Variants in MTUS1 observed in about 807,000 individuals in gnomAD.
MTUS1 encodes the protein microtubule-associated tumor suppressor 1.
Under a neutral mutation model 120.8 loss-of-function variants are expected in MTUS1, and 109 were observed. That is an observed-to-expected ratio of 0.90 (90% confidence interval 0.77 to 1.06). The LOEUF is 1.06. MTUS1 is among the 50% of genes least tolerant of loss of function. The pLI is 0.00. For missense variants in MTUS1, 2,210 were observed against 1,486.3 expected, an observed-to-expected ratio of 1.49 and a Z score of -8.01; for synonymous variants, 737 against 550.5, an observed-to-expected ratio of 1.34 and a Z score of -4.74.
chr8:17,714,827 A>C (rs116691000), intron 5 of MTUS1, among the ~76,000 whole-genome samples: 189 of 151,290 alleles, frequency 1.2e-3, no homozygotes, highest in African/African-American at 4.5e-3. Context: ...TTTATAGGTC[A>C]AGTTTCTCAC....
intron 4 of MTUS1, among the ~76,000 whole-genome samples, chr8:17,717,415 G>C (rs939245219): frequency 1.3e-5 from 2 of 152,156 alleles, no homozygotes; most frequent in Admixed American, 6.5e-5. Flanking sequence ...GTTTCAATTA[G>C]CATTTTAGCT....
At position 17,645,954 on chromosome 8, in the gene MTUS1, A is replaced by G; in HGVS notation, c.3785T>C (p.Phe1262Ser). Residue 1262 changes from phenylalanine to serine, a missense_variant, in exon 15 of 15, where the codon TTC becomes TCC. Physicochemically the swap from Phe to Ser is radical, Grantham distance 155 (BLOSUM62 -2). Coordinates refer to ENST00000693296, the MANE Select transcript of MTUS1 (RefSeq NM_001363059.2). ...TCTGGGTGAAATGCTGGGGCTAGGG[A>G]AGGAGCCCGAATTCCTTGGTGACTG... is the stretch of plus-strand genomic sequence containing the variant. ...PLQSPRNSGS[F>S]PSPSISPR The G allele has an allele frequency of 6.2e-7, 1 of 1,612,426 alleles. No individual in the cohort carries two copies.
intron 3 of MTUS1, among the ~76,000 whole-genome samples, chr8:17,726,072 G>A (rs924774547): frequency 1.3e-5 from 2 of 151,786 alleles, no homozygotes; most frequent in Admixed American, 6.6e-5. Context: ...TTCTGCTTAC[G>A]CCCATCCTTC....
intron 4 of MTUS1, among the ~76,000 whole-genome samples, chr8:17,720,878 G>A (rs1246721294): frequency 6.6e-6 from 1 of 152,104 alleles, no homozygotes; most frequent in Non-Finnish European, 1.5e-5. Flanking sequence ...AAAGGATCAA[G>A]ATCGTAACTT....
rs547941228 is a variant in MTUS1 at position 17,687,514 on chromosome 8, A to G, written c.2624-2972T>C. Among the ~76,000 whole-genome samples, 26 of 152,360 alleles carry G rather than the reference A, an allele frequency of 1.7e-4. 1 individual carries two copies. The highest frequency in any genetic ancestry group is 1.2e-3 in the Admixed American group (19 of 15,310). Reference sequence around the variant, plus strand: ...ATTAGCATGTTACTGTTTTGATAACAAAGGTTTTATACAGAAGTATAAATT... The same window carrying G: ...ATTAGCATGTTACTGTTTTGATAACGAAGGTTTTATACAGAAGTATAAATT... On this transcript the variant is annotated intron_variant, in intron 6 of 14. Transcript: ENST00000693296.
chr8:17,748,429 C>T (rs1452613420), intron 2 of MTUS1, among the ~76,000 whole-genome samples: 1 of 152,156 alleles, frequency 6.6e-6, no homozygotes. Context: ...GCTTGGGACC[C>T]ACCAACTTTG....
At chr8:17,672,000 A>G (rs907022098) in intron 8 of MTUS1, among the ~76,000 whole-genome samples, 2 of 152,196 alleles carry the variant, frequency 1.3e-5, no homozygotes, top group African/African-American at 4.8e-5. Context: ...CCATACTCAA[A>G]GAAGTTAGGT....
chr8:17,703,942 C>G (rs1055848475), intron 6 of MTUS1: 1 of 152,212 alleles, frequency 6.6e-6, no homozygotes, highest in African/African-American at 2.4e-5. Flanking sequence ...CACCCTCTCC[C>G]CTTTTCAAAT....
intron 6 of MTUS1, among the ~76,000 whole-genome samples, chr8:17,701,513 T>C (rs1471612343): frequency 6.6e-6 from 1 of 152,182 alleles, no homozygotes; most frequent in Non-Finnish European, 1.5e-5. Context: ...TCATGTACAA[T>C]GTTTGTTTTT....
At position 17,653,215 on chromosome 8, in the gene MTUS1, T is replaced by A. The variant is rs1807416877; in HGVS notation, c.3355A>T (p.Lys1119Ter). The change falls in exon 12 of 15, where the codon AAA (lysine) becomes TAA (stop). Residue 1119 changes from lysine (K) to a stop codon, truncating the protein, a stop_gained. Transcript: ENST00000693296. LOFTEE classifies it high-confidence loss of function. ...TTTGCTTTTTCTCTTGCTCTTCTTT[T>A]TTGTTCTTCTGATTTCAATTTTTCA... is the stretch of plus-strand genomic sequence containing the variant. ...LNEKLKSEEQ[K>*]RRAREKANLK... 6.4e-7 allele frequency: 1 copy of A among 1,554,536 alleles called. No individual in the cohort carries two copies. Among genetic ancestry groups the A allele is most frequent in the African/African-American group, 1.4e-5 (1 of 72,516 alleles).
rs1051608249 is a variant in MTUS1 at position 17,713,323 on chromosome 8, G to C, written c.2585-71C>G. On this transcript the variant is annotated intron_variant, in intron 5 of 14. Coordinates refer to ENST00000693296, the MANE Select transcript of MTUS1 (RefSeq NM_001363059.2). ...ATATCACATAAAAACAAACCATGTT[G>C]ATAAGAATTATTTTCAAAAACAATC... The C allele has an allele frequency of 4.3e-6, 4 of 926,482 alleles. No individual in the cohort carries two copies. In the East Asian group the frequency reaches 7.7e-5, roughly 18 times the overall value. 57.4% of individuals were successfully genotyped at this position (926,482 alleles called of 1,614,324 possible). A position where few individuals can be genotyped will look rare whatever the true frequency, so the allele number is the denominator to read the frequency against.
rs891470303 is a variant in MTUS1, at chr8:17,727,045, G to C, written c.2288-3212C>G. On this transcript the variant is annotated intron_variant, in intron 3 of 14. Coordinates refer to ENST00000693296, the MANE Select transcript of MTUS1 (RefSeq NM_001363059.2). ...GCTGCACTAGAGGAAAGCTTACCCC[G>C]GCAACCAAATATCATTTCCCTGACC... Among the ~76,000 whole-genome samples, 24 of 151,998 alleles carry C rather than the reference G, an allele frequency of 1.6e-4. 1 individual carries two copies. Among genetic ancestry groups the C allele is most frequent in the Admixed American group, 1.6e-3 (24 of 15,250 alleles).
chr8:17,749,659 C>CAAAAAA (rs768210060), intron 2 of MTUS1, among the ~76,000 whole-genome samples: 3 of 76,414 alleles, frequency 3.9e-5, no homozygotes, highest in Non-Finnish European at 8.0e-5. Flanking sequence ...GAATCTGTCT[C>CAAAAAA]AAAAAAAAAA....
Position 17,644,781 on chromosome 8 carries a change from T to C in MTUS1, c.*1145A>G, listed in dbSNP as rs763131437. ...CTAAGATTTCCCAAAATTTGTAATA[T>C]CAAATCCAGGCTTTAGTTTATTTGG... On this transcript the variant is annotated 3_prime_UTR_variant, in exon 15 of 15. Coordinates refer to ENST00000693296, the MANE Select transcript of MTUS1 (RefSeq NM_001363059.2). 2.0e-5 allele frequency: 3 copies of C among 152,190 alleles called. No homozygotes were observed. Among genetic ancestry groups the C allele is most frequent in the Admixed American group, 1.3e-4 (2 of 15,278 alleles). 9.4% of individuals were successfully genotyped at this position (152,190 alleles called of 1,614,324 possible).
intron 1 of MTUS1, among the ~76,000 whole-genome samples, chr8:17,758,790 T>G (rs2048819004): frequency 6.6e-6 from 1 of 152,206 alleles, no homozygotes; most frequent in African/African-American, 2.4e-5. Flanking sequence ...TTAATGGCAT[T>G]TTTATTACTC....
intron 13 of MTUS1, among the ~76,000 whole-genome samples, chr8:17,649,148 G>A (rs749405415): frequency 6.6e-6 from 1 of 151,934 alleles, no homozygotes; most frequent in Non-Finnish European, 1.5e-5. Flanking sequence ...GAATGCACTG[G>A]TGCCATCTCA....
In MTUS1 at chr8:17,684,476, A is replaced by G. The variant is rs1815321613; in HGVS notation, c.2690T>C (p.Leu897Pro). 1.2e-6 allele frequency: 2 copies of G among 1,614,098 alleles called. No individual in the cohort carries two copies. The highest frequency in any genetic ancestry group is 2.7e-5 in the African/African-American group (2 of 74,952). The change falls in exon 7 of 15, where the codon CTG becomes CCG. Residue 897 changes from leucine (L) to proline (P), a missense_variant. Coordinates refer to ENST00000693296, the MANE Select transcript of MTUS1 (RefSeq NM_001363059.2). ...CIQPQTAPDALPPEKTLELTQ... is the reference protein window; with the variant it reads ...CIQPQTAPDAPPPEKTLELTQ... ...CAATTCAAGTGTTTTCTCAGGGGGC[A>G]GCGCATCGGGAGCTGTCTGTGGCTG...
chr8:17,780,019 G>A (rs1180290958), intron 1 of MTUS1, among the ~76,000 whole-genome samples: 2 of 152,184 alleles, frequency 1.3e-5, no homozygotes, highest in South Asian at 2.1e-4. Context: ...GATCCCCAGT[G>A]GTTGAGGTGG....
At chr8:17,653,541 G>A (rs755510512) in intron 10 of MTUS1, 43 bp from the exon 11 acceptor site, 30 of 1,385,034 alleles carry the variant, frequency 2.2e-5, no homozygotes, top group Non-Finnish European at 2.9e-5. Context: ...AACATTCTAT[G>A]AGATCAATGT....
Sources: gnomAD v4.1 joint callset for allele counts (sites outside exome capture counted in the v4.1 genomes callset) on GRCh38, gnomAD v4.1.1 for gene constraint, MANE v1.5 for transcripts, NCBI Gene and HGNC (gene_info 2026-07-23, HGNC 2026-07-21) for gene names.